ZGRF1: variants seen among roughly 807,000 people sequenced by gnomAD.
ZGRF1 encodes 5'-3' DNA helicase ZGRF1.
Under a neutral mutation model 203.5 loss-of-function variants are expected in ZGRF1, and 196 were observed. The ratio of observed to expected loss-of-function variants is 0.96; its 90% CI spans 0.86 to 1.08. The LOEUF is 1.08. Among genes scored for constraint, ZGRF1 ranks in the 50% least tolerant of loss-of-function variants. The pLI is 0.00. For missense variants in ZGRF1, 2,326 were observed against 2,416.3 expected, an observed-to-expected ratio of 0.96 and a Z score of 0.78; for synonymous variants, 809 against 841.3, an observed-to-expected ratio of 0.96 and a Z score of 0.66.
At position 112,540,931 on chromosome 4, in the gene ZGRF1, T is replaced by C; in HGVS notation, c.5800A>G (p.Asn1934Asp). ...AGTGTAAACGTAGCTTCTGCCACAT[T>C]ATGAAAGCTGTTATCTCTTTCTATC... ...EQIERDNSFH[N>D]VAEATFTLKL... Residue 1934 changes from asparagine (N) to aspartate (D), a missense_variant, in exon 26 of 28, where the codon AAT becomes GAT. Transcript: ENST00000505019. 1 of 1,574,212 alleles carries C rather than the reference T, an allele frequency of 6.4e-7. No individual in the cohort carries two copies. The highest frequency in any genetic ancestry group is 1.2e-5 in the South Asian group (1 of 86,146).
rs529071961 is a variant in ZGRF1, at chr4:112,548,992, T to C, written c.5347-612A>G. Among the ~76,000 whole-genome samples, 134 of 75,146 alleles carry C rather than the reference T, an allele frequency of 1.8e-3. 40 individuals are homozygous for C. The South Asian group carries it at 0.022, about 12-fold the overall frequency. The allele number at this position is 75,146 out of a possible 152,430, so 49.3% of individuals were successfully genotyped here. A position where few individuals can be genotyped will look rare whatever the true frequency, so the allele number is the denominator to read the frequency against. The stretch of plus-strand genomic sequence containing the variant: ...AGCCGGGCGTAGTGGCGGGCGCCTG[T>C]AGTCCCAGCTACTTGGGAGGCTGAG... On this transcript the variant is annotated intron_variant, in intron 22 of 27. Coordinates refer to ENST00000505019, the MANE Select transcript of ZGRF1 (RefSeq NM_018392.5).
chr4:112,554,149 C>T (rs1000871051), intron 21 of ZGRF1, among the ~76,000 whole-genome samples, 167 bp from the exon 22 acceptor site: 1 of 151,622 alleles, frequency 6.6e-6, no homozygotes, highest in Non-Finnish European at 1.5e-5. Flanking sequence ...GTGTGCTGCA[C>T]CCATTAACTC....
intron 16 of ZGRF1, among the ~76,000 whole-genome samples, chr4:112,573,200 A>ACCCC (rs1553987623): frequency 1.3e-5 from 2 of 148,736 alleles, no homozygotes; most frequent in South Asian, 4.2e-4. Context: ...ACACACACAC[A>ACCCC]CCCATGGAAT....
chr4:112,628,993 A>G (rs927036487), intron 3 of ZGRF1: 2 of 324,262 alleles, frequency 6.2e-6, no homozygotes, highest in Non-Finnish European at 1.2e-5. Flanking sequence ...AATTAATCAC[A>G]TGACTTGAAC....
chr4:112,624,363 C>T (rs2047160218), intron 3 of ZGRF1, among the ~76,000 whole-genome samples: 1 of 151,640 alleles, frequency 6.6e-6, no homozygotes, highest in Non-Finnish European at 1.5e-5. Flanking sequence ...CAGGCTGAGG[C>T]AGGAGAATTG....
chr4:112,597,908 GAAA>G (rs35330505), intron 10 of ZGRF1, among the ~76,000 whole-genome samples: 6 of 91,654 alleles, frequency 6.5e-5, no homozygotes, highest in African/African-American at 1.3e-4. Context: ...CACACACACT[GAAA>G]AAAAAAAAAA....
At chr4:112,609,111 T>C (rs2149117471) in intron 8 of ZGRF1, among the ~76,000 whole-genome samples, 1 of 152,054 alleles carries the variant, frequency 6.6e-6, no homozygotes, top group Non-Finnish European at 1.5e-5. Flanking sequence ...TGGAGTGCAG[T>C]GGCGTTATCT....
intron 24 of ZGRF1, among the ~76,000 whole-genome samples, chr4:112,542,473 T>C (rs766230680): frequency 6.6e-6 from 1 of 152,190 alleles, no homozygotes; most frequent in South Asian, 2.1e-4. Context: ...GTTTCAACTA[T>C]GTACAAATAC....
chr4:112,618,656 T>C lies in ZGRF1; in HGVS notation c.1386A>G (p.Val462=), dbSNP rs766231180. 1 of 1,613,290 alleles carries C rather than the reference T, an allele frequency of 6.2e-7. No homozygotes were observed. The highest frequency in any genetic ancestry group is 8.5e-7 in the Non-Finnish European group (1 of 1,179,752). The part of the protein sequence containing the change: ...SVLIKENAQE[V]NTCGTLEKEY... ...CCTTTTCCAGTGTTCCACATGTATT[T>C]ACCTCCTGAGCATTTTCTTTAATGA... Residue 462 remains valine, a synonymous_variant, in exon 6 of 28, where the codon GTA becomes GTG. Coordinates refer to ENST00000505019, the MANE Select transcript of ZGRF1 (RefSeq NM_018392.5).
chr4:112,602,410 T>C (rs868549402), intron 10 of ZGRF1, among the ~76,000 whole-genome samples: 1 of 152,202 alleles, frequency 6.6e-6, no homozygotes, highest in East Asian at 1.9e-4. Flanking sequence ...TGTAGAGTGA[T>C]GGGCACTCTC....
chr4:112,597,925 G>C (rs77814015), intron 10 of ZGRF1, among the ~76,000 whole-genome samples: 3 of 113,116 alleles, frequency 2.7e-5, no homozygotes, highest in Non-Finnish European at 3.7e-5. Context: ...AAAAAAAAAA[G>C]AATAAAGCAG....
At chr4:112,556,038 C>G (rs554591957) in intron 20 of ZGRF1, among the ~76,000 whole-genome samples, 4 of 149,592 alleles carry the variant, frequency 2.7e-5, no homozygotes, top group African/African-American at 9.8e-5. Context: ...CCTGTGTAGT[C>G]TCCAGGTAAC....
intron 16 of ZGRF1, among the ~76,000 whole-genome samples, chr4:112,574,747 G>C (rs1744831805): frequency 6.6e-6 from 1 of 152,090 alleles, no homozygotes; most frequent in East Asian, 1.9e-4. Flanking sequence ...AACACTCAAT[G>C]CTGGCCGGGC....
Position 112,618,507 on chromosome 4 carries a change from C to T in ZGRF1, c.1535G>A (p.Ser512Asn). Residue 512 changes from serine (S) to asparagine (N), a missense_variant, in exon 6 of 28, where the codon AGT (serine) becomes AAT (asparagine). Ser to Asn is a conservative substitution (Grantham distance 46). Transcript: ENST00000505019. ...MISESKMDNE[S>N]LNSIHESLSN... ...CAGAGATTCATGAATACTATTAAGACTTTCATTATCCATTTTACTTTCAGA... is the reference window on the plus strand; with the variant it reads ...CAGAGATTCATGAATACTATTAAGATTTTCATTATCCATTTTACTTTCAGA... 2 of 1,612,842 alleles carry T rather than the reference C, an allele frequency of 1.2e-6. No individual in the cohort carries two copies. The highest frequency in any genetic ancestry group is 1.7e-5 in the Admixed American group (1 of 59,994).
At chr4:112,569,839 TA>T (rs940500310) in intron 16 of ZGRF1, among the ~76,000 whole-genome samples, 1 of 151,416 alleles carries the variant, frequency 6.6e-6, no homozygotes, top group South Asian at 2.1e-4. Context: ...GAAAGAAAGA[TA>T]AAAAAATGAA....
At chr4:112,609,912 G>A (rs984113628) in intron 7 of ZGRF1, among the ~76,000 whole-genome samples, 2 of 152,182 alleles carry the variant, frequency 1.3e-5, no homozygotes, top group Non-Finnish European at 2.9e-5. Context: ...GGCTGGGGCT[G>A]GAAGACTGCT....
At chr4:112,552,957 C>A in intron 22 of ZGRF1, among the ~76,000 whole-genome samples, 1 of 152,236 alleles carries the variant, frequency 6.6e-6, no homozygotes, top group East Asian at 1.9e-4. Context: ...GCCATAGCAA[C>A]TGTTCTCAGA....
chr4:112,562,330 A>G, intron 18 of ZGRF1, 41 bp downstream of exon 18: 5 of 1,063,808 alleles, frequency 4.7e-6, no homozygotes, highest in African/African-American at 1.6e-5. Flanking sequence ...TCTGATTACC[A>G]TTTTTTAATA....
At chr4:112,541,807 G>GT (rs1737670797) in intron 24 of ZGRF1, among the ~76,000 whole-genome samples, 1 of 152,000 alleles carries the variant, frequency 6.6e-6, no homozygotes, top group African/African-American at 2.4e-5. Flanking sequence ...GATTACAGGC[G>GT]TGAGCCACCA....
Sources: allele counts gnomAD v4.1 joint callset (sites outside exome capture counted in the v4.1 genomes callset), GRCh38; gene constraint gnomAD v4.1.1; transcripts MANE v1.5; gene names NCBI Gene and HGNC (gene_info 2026-07-23, HGNC 2026-07-21).